Variants in RARB observed in about 807,000 individuals in gnomAD.
RARB encodes the protein retinoic acid receptor beta.
A neutral mutation model predicts 51.9 loss-of-function variants in RARB; 17 were observed. The observed-to-expected ratio is 0.33, with a 90% CI of 0.22 to 0.49. RARB has a LOEUF of 0.49. Ranked by LOEUF, RARB falls within the 20% of genes least tolerant of loss-of-function variation. The probability of loss-of-function intolerance (pLI) is 0.99; values close to 1 mark genes in which losing one functional copy is unlikely to be tolerated. For synonymous variants in RARB, 215 were observed against 195.4 expected, an observed-to-expected ratio of 1.10 and a Z score of -0.84; for missense variants, 369 against 550.8, an observed-to-expected ratio of 0.67 and a Z score of 3.30.
At chr3:25,051,261 A>G (rs1359891981) in intron 2 of RARB, among the ~76,000 whole-genome samples, 37 of 152,140 alleles carry the variant, frequency 2.4e-4, no homozygotes, top group Admixed American at 2.4e-3. Context: ...TGTATGGGGG[A>G]GGAATAGAAA....
chr3:25,173,413 G>A (rs1700680961), intron 4 of RARB, among the ~76,000 whole-genome samples: 1 of 152,152 alleles, frequency 6.6e-6, no homozygotes, highest in African/African-American at 2.4e-5. Flanking sequence ...TGGATAGGCA[G>A]ACAGACAAAT....
chr3:25,294,304 A>G (rs1278750317), intron 5 of RARB, among the ~76,000 whole-genome samples: 3 of 152,224 alleles, frequency 2.0e-5, no homozygotes, highest in Non-Finnish European at 2.9e-5. Context: ...GAAGAGAGAC[A>G]TTTGAACCAC....
intron 5 of RARB, among the ~76,000 whole-genome samples, chr3:25,210,389 C>A (rs1701662590): frequency 6.6e-6 from 1 of 152,036 alleles, no homozygotes; most frequent in African/African-American, 2.4e-5. Context: ...GTGTATGCAG[C>A]CTACTTGAGT....
At chr3:24,932,524 G>T (rs1482989573) in intron 2 of RARB, among the ~76,000 whole-genome samples, 1 of 149,786 alleles carries the variant, frequency 6.7e-6, no homozygotes, top group Non-Finnish European at 1.5e-5. Flanking sequence ...CTCTACATAT[G>T]CGTATGCATT....
intron 2 of RARB, among the ~76,000 whole-genome samples, chr3:25,029,324 A>G (rs1353593509): frequency 6.6e-6 from 1 of 152,222 alleles, no homozygotes; most frequent in Non-Finnish European, 1.5e-5. Flanking sequence ...GAGAAACCTA[A>G]GAGTCAAATG....
chr3:25,199,080 G>T (rs896475510), intron 5 of RARB, among the ~76,000 whole-genome samples: 4 of 152,094 alleles, frequency 2.6e-5, no homozygotes, highest in African/African-American at 7.2e-5. Context: ...AGGAAATGTG[G>T]TATGTATACA....
intron 2 of RARB, among the ~76,000 whole-genome samples, chr3:24,920,872 G>C (rs921931947): frequency 1.3e-5 from 2 of 152,182 alleles, no homozygotes; most frequent in African/African-American, 4.8e-5. Context: ...ACCAGAGTGA[G>C]ACAGTTCTAC....
At chr3:25,557,419 C>T (rs1700106691) in intron 3 of RARB, among the ~76,000 whole-genome samples, 1 of 152,188 alleles carries the variant, frequency 6.6e-6, no homozygotes, top group South Asian at 2.1e-4. Context: ...GCTCTCTCCG[C>T]AGCCTATCAC....
At chr3:25,223,575 C>G (rs1312507410) in intron 5 of RARB, among the ~76,000 whole-genome samples, 2 of 152,186 alleles carry the variant, frequency 1.3e-5, no homozygotes, top group African/African-American at 2.4e-5. Flanking sequence ...TCTGCAATAT[C>G]TAGCCCAGTA....
chr3:25,447,424 G>C (rs1439842064), intron 1 of RARB, among the ~76,000 whole-genome samples: 3 of 152,178 alleles, frequency 2.0e-5, no homozygotes, highest in Non-Finnish European at 4.4e-5. Flanking sequence ...GTCTGTTTGC[G>C]TGGGCAGGAG....
intron 5 of RARB, among the ~76,000 whole-genome samples, chr3:25,416,494 A>G (rs1333610859): frequency 6.6e-6 from 1 of 152,244 alleles, no homozygotes; most frequent in Non-Finnish European, 1.5e-5. Context: ...GACTGCCGCT[A>G]GATTTCATCT....
chr3:25,594,411 A>G (rs1379896369), intron 6 of RARB, 109 bp from the exon 7 acceptor site: 1 of 1,212,330 alleles, frequency 8.2e-7, no homozygotes, highest in Non-Finnish European at 1.1e-6. Flanking sequence ...TGTGTATGTA[A>G]TTGAATTACC....
chr3:25,501,327 A>C lies in RARB; in HGVS notation c.448+4A>C, dbSNP rs1452501951. ...GAAGTGGGAATGTCCAAAGAATGTA[A>C]GTGGAGTCTCAAAAAACTTTTTCCC... On this transcript the variant is annotated splice_donor_region_variant and intron_variant, in intron 3 of 7. Transcript: ENST00000330688. 2.5e-6 allele frequency: 4 copies of C among 1,607,122 alleles called. No individual in the cohort carries two copies. The highest frequency in any genetic ancestry group is 1.1e-5 in the South Asian group (1 of 89,258).
chr3:25,591,033 T>C (rs1701589897), intron 5 of RARB, among the ~76,000 whole-genome samples: 1 of 152,174 alleles, frequency 6.6e-6, no homozygotes, highest in African/African-American at 2.4e-5. Context: ...CCCCATCAGT[T>C]ACCAAGATGA....
At chr3:25,039,458 A>T (rs929699455) in intron 2 of RARB, among the ~76,000 whole-genome samples, 3 of 152,224 alleles carry the variant, frequency 2.0e-5, no homozygotes, top group Non-Finnish European at 4.4e-5. Context: ...TTTTAATTCA[A>T]CAAATACTTA....
In RARB at chr3:25,208,471, CTA is replaced by C. The variant is rs1282340121; in HGVS notation, c.178+33900_178+33901del. ...TTTGCTCTAATTTTGCGTTTCTTTG[CTA>C]TATTTAAACATTCTATCAATAAAGC... On this transcript the variant is annotated intron_variant, in intron 5 of 11. Coordinates refer to the RARB transcript ENST00000383772. Among the ~76,000 whole-genome samples, 7 of 152,156 alleles carry C rather than the reference CTA, an allele frequency of 4.6e-5. No homozygotes were observed. In the East Asian group the frequency reaches 1.4e-3, roughly 29 times the overall value.
intron 2 of RARB, among the ~76,000 whole-genome samples, chr3:24,936,337 A>C (rs1208988335): frequency 1.3e-5 from 2 of 152,148 alleles, no homozygotes; most frequent in Admixed American, 1.3e-4. Flanking sequence ...CACACAATAA[A>C]ATGAAAATAT....
At chr3:25,258,480 C>T (rs1702920835) in intron 5 of RARB, among the ~76,000 whole-genome samples, 1 of 152,032 alleles carries the variant, frequency 6.6e-6, no homozygotes, top group East Asian at 1.9e-4. Flanking sequence ...CATGATCTAG[C>T]AAGGGTAAAG....
At chr3:25,403,838 G>GA (rs35830598) in intron 5 of RARB, among the ~76,000 whole-genome samples, 21,152 of 67,844 alleles carry the variant, frequency 0.31, 2,014 homozygotes, top group Admixed American at 0.46. Context: ...ATCTTCATTA[G>GA]AAAAAAAAAA....
Sources: gnomAD v4.1 joint callset for allele counts (sites outside exome capture counted in the v4.1 genomes callset) on GRCh38, gnomAD v4.1.1 for gene constraint, MANE v1.5 for transcripts, NCBI Gene and HGNC (gene_info 2026-07-23, HGNC 2026-07-21) for gene names.